Variants in DAB1 observed in about 807,000 individuals in gnomAD.
DAB1 encodes DAB adaptor protein 1.
DAB1 carries 15 observed loss-of-function variants against 64.6 expected under a neutral mutation model. The ratio of observed to expected loss-of-function variants is 0.23; its 90% CI spans 0.16 to 0.36. The LOEUF (loss-of-function observed/expected upper bound fraction) is 0.36, where lower values mean the gene tolerates loss of function less well. Ranked by LOEUF, DAB1 falls within the 10% of genes least tolerant of loss-of-function variation. The pLI, the probability that DAB1 is intolerant of heterozygous loss-of-function variation, is 1.00. For synonymous variants in DAB1, 235 were observed against 251.9 expected (o/e 0.93, Z 0.64); for missense variants, 596 against 706.7 (o/e 0.84, Z 1.78).
chr1:57,779,543 CT>C (rs1649968293), intron 6 of DAB1, among the ~76,000 whole-genome samples: 1 of 152,154 alleles, frequency 6.6e-6, no homozygotes, highest in African/African-American at 2.4e-5. Flanking sequence ...ATTCCATCTC[CT>C]CTATGAAAAC....
chr1:57,378,153 G>A (rs1358698285), intron 1 of DAB1, among the ~76,000 whole-genome samples: 3 of 152,166 alleles, frequency 2.0e-5, no homozygotes, highest in African/African-American at 7.2e-5. Context: ...GCAGGGTCTG[G>A]AGGGACAAAC....
At chr1:57,021,471 A>G (rs1646618147) in intron 11 of DAB1, among the ~76,000 whole-genome samples, 1 of 152,138 alleles carries the variant, frequency 6.6e-6, no homozygotes, top group Non-Finnish European at 1.5e-5. Flanking sequence ...TTCTCATGGT[A>G]GTGAGTAAGT....
intron 3 of DAB1, among the ~76,000 whole-genome samples, chr1:58,385,319 T>G (rs1179261924): frequency 6.6e-6 from 1 of 152,206 alleles, no homozygotes; most frequent in African/African-American, 2.4e-5. Flanking sequence ...AGCTGTGAGT[T>G]TCATAGTATT....
chr1:57,414,996 T>C (rs562032259), intron 1 of DAB1, among the ~76,000 whole-genome samples: 5 of 152,260 alleles, frequency 3.3e-5, no homozygotes, highest in African/African-American at 9.6e-5. Context: ...TTGTGAAACC[T>C]TGAAAGATGA....
At chr1:58,284,974 C>T (rs1312882887) in intron 4 of DAB1, among the ~76,000 whole-genome samples, 2 of 152,200 alleles carry the variant, frequency 1.3e-5, no homozygotes, top group African/African-American at 4.8e-5. Context: ...TATCTGCTTC[C>T]CATTCTCTGA....
At chr1:58,455,700 T>C (rs1645186938) in intron 3 of DAB1, among the ~76,000 whole-genome samples, 1 of 152,196 alleles carries the variant, frequency 6.6e-6, no homozygotes, top group African/African-American at 2.4e-5. Context: ...AGTCTACTAT[T>C]CCCTCCCAAT....
intron 7 of DAB1, among the ~76,000 whole-genome samples, chr1:57,613,521 A>G (rs1645753520): frequency 6.6e-6 from 1 of 152,184 alleles, no homozygotes. Flanking sequence ...TTAAGTAACC[A>G]ATTTATGTAC....
chr1:57,553,166 G>A (rs1644934262), intron 7 of DAB1, among the ~76,000 whole-genome samples: 1 of 151,680 alleles, frequency 6.6e-6, no homozygotes, highest in African/African-American at 2.4e-5. Flanking sequence ...GATTTATCTG[G>A]GGTTGTCCAG....
chr1:58,394,824 T>C (rs1400101516), intron 3 of DAB1, among the ~76,000 whole-genome samples: 6 of 152,180 alleles, frequency 3.9e-5, no homozygotes, highest in Non-Finnish European at 8.8e-5. Flanking sequence ...TTGATTGTGC[T>C]GGGGGTCATA....
intron 7 of DAB1, among the ~76,000 whole-genome samples, chr1:57,454,651 G>A (rs1042934902): frequency 4.6e-5 from 7 of 151,942 alleles, no homozygotes; most frequent in African/African-American, 1.2e-4. Flanking sequence ...ACCCCTAAAC[G>A]TAAAATTTTT....
intron 4 of DAB1, among the ~76,000 whole-genome samples, chr1:58,246,173 G>A (rs889990489): frequency 7.2e-5 from 11 of 152,164 alleles, no homozygotes; most frequent in African/African-American, 2.7e-4. Context: ...AGGTGTCAAA[G>A]ATGTTAATCA....
At chr1:58,118,546 TATAC>T (rs1652517217) in intron 5 of DAB1, among the ~76,000 whole-genome samples, 1 of 118,828 alleles carries the variant, frequency 8.4e-6, no homozygotes, top group African/African-American at 3.7e-5. Context: ...AATACATATA[TATAC>T]ATATATATAA....
intron 6 of DAB1, among the ~76,000 whole-genome samples, chr1:57,706,788 C>A (rs111415725): frequency 9.5e-4 from 144 of 152,120 alleles, no homozygotes; most frequent in Middle Eastern, 6.8e-3. Context: ...AAGATACATT[C>A]CAGGCCGGGC....
intron 2 of DAB1, among the ~76,000 whole-genome samples, chr1:58,518,709 G>A (rs1646212771): frequency 6.6e-6 from 1 of 152,062 alleles, no homozygotes; most frequent in African/African-American, 2.4e-5. Context: ...TGGGAAAAGG[G>A]AGACCAGAAG....
chr1:57,495,455 A>G (rs150531574), intron 7 of DAB1, among the ~76,000 whole-genome samples: 1 of 152,296 alleles, frequency 6.6e-6, no homozygotes, highest in East Asian at 1.9e-4. Context: ...ATCTTTTTGA[A>G]GATCCTTTAA....
chr1:58,353,472 A>G (rs61778961), intron 3 of DAB1, among the ~76,000 whole-genome samples: 3,019 of 152,310 alleles, frequency 0.02, 46 homozygotes, highest in Non-Finnish European at 0.03. Context: ...TTAGTCTACA[A>G]TATTCTGCTT....
intron 6 of DAB1, among the ~76,000 whole-genome samples, chr1:57,759,300 A>T (rs1648962685): frequency 6.6e-6 from 1 of 152,162 alleles, no homozygotes; most frequent in Non-Finnish European, 1.5e-5. Flanking sequence ...AAATTGCTTA[A>T]ATATACTGTG....
intron 6 of DAB1, among the ~76,000 whole-genome samples, chr1:57,653,410 T>A (rs1259497995): frequency 1.3e-5 from 2 of 152,196 alleles, no homozygotes; most frequent in Non-Finnish European, 2.9e-5. Context: ...TTAGACATAA[T>A]TTTTTTAACA....
At chr1:57,879,328 A>G (rs1020106262) in intron 1 of DAB1, among the ~76,000 whole-genome samples, 2 of 152,136 alleles carry the variant, frequency 1.3e-5, no homozygotes, top group African/African-American at 4.8e-5. Flanking sequence ...CTCTTTCCCC[A>G]TCTTCAAAGA....
Sources: gnomAD v4.1 joint callset for allele counts (sites outside exome capture counted in the v4.1 genomes callset) on GRCh38, gnomAD v4.1.1 for gene constraint, MANE v1.5 for transcripts, NCBI Gene and HGNC (gene_info 2026-07-23, HGNC 2026-07-21) for gene names.